ROBO1: variants seen among roughly 807,000 people sequenced by gnomAD.
The protein encoded by ROBO1 is roundabout homolog 1.
A neutral mutation model predicts 195.9 loss-of-function variants in ROBO1; 149 were observed. The ratio of observed to expected loss-of-function variants is 0.76; its 90% confidence interval spans 0.67 to 0.87. The LOEUF (loss-of-function observed/expected upper bound fraction) is 0.87, where lower values mean the gene tolerates loss of function less well. Among genes scored for constraint, ROBO1 ranks in the 40% least tolerant of loss-of-function variants. ROBO1 has a pLI of 0.00. For missense variants in ROBO1, 1,933 were observed against 2,068.3 expected (o/e 0.93, Z 1.27); for synonymous variants, 816 against 733.2 (o/e 1.11, Z -1.82).
chr3:78,995,486 A>G (rs1420838999), intron 3 of ROBO1, among the ~76,000 whole-genome samples: 1 of 152,014 alleles, frequency 6.6e-6, no homozygotes, highest in Non-Finnish European at 1.5e-5. Context: ...TCTCTGCCCC[A>G]TCTCCACTCT....
At chr3:78,648,508 A>T (rs753974007) in intron 19 of ROBO1, among the ~76,000 whole-genome samples, 2 of 151,980 alleles carry the variant, frequency 1.3e-5, no homozygotes, top group African/African-American at 2.4e-5. Context: ...TAATGCCTGA[A>T]ATTGAACCGC....
chr3:79,542,687 G>A (rs897638637), intron 2 of ROBO1, among the ~76,000 whole-genome samples: 8 of 152,004 alleles, frequency 5.3e-5, no homozygotes, highest in Admixed American at 1.3e-4. Flanking sequence ...TGCATTTAAT[G>A]AATGTGATAA....
chr3:79,056,088 C>A (rs938723938), intron 3 of ROBO1, among the ~76,000 whole-genome samples: 1 of 152,086 alleles, frequency 6.6e-6, no homozygotes, highest in African/African-American at 2.4e-5. Context: ...TGCTTTAATA[C>A]CTAAAAATTG....
intron 2 of ROBO1, among the ~76,000 whole-genome samples, chr3:79,144,503 CT>C (rs1214782324): frequency 1.3e-5 from 2 of 151,374 alleles, no homozygotes; most frequent in African/African-American, 4.9e-5. Context: ...TTCTTCCTTC[CT>C]TTTTTTAAAT....
intron 2 of ROBO1, among the ~76,000 whole-genome samples, chr3:79,554,150 G>A (rs1376585155): frequency 2.9e-4 from 44 of 151,980 alleles, no homozygotes; most frequent in Middle Eastern, 3.4e-3. Flanking sequence ...TATCCTTGAT[G>A]TCTTAATATA....
intron 2 of ROBO1, among the ~76,000 whole-genome samples, chr3:79,144,499 C>T (rs900879031): frequency 2.0e-5 from 3 of 150,956 alleles, no homozygotes; most frequent in African/African-American, 7.3e-5. Context: ...TCTTTTCTTC[C>T]TTCCTTTTTT....
intron 10 of ROBO1, among the ~76,000 whole-genome samples, chr3:78,682,772 A>T (rs1028665744): frequency 1.3e-5 from 2 of 148,668 alleles, no homozygotes; most frequent in Non-Finnish European, 3.0e-5. Context: ...ATAAAATTAT[A>T]ATAATATAAT....
intron 5 of ROBO1, among the ~76,000 whole-genome samples, chr3:78,727,289 C>T (rs951207569): frequency 3.4e-4 from 52 of 151,816 alleles, no homozygotes; most frequent in Admixed American, 2.1e-3. Flanking sequence ...ATAATATTTC[C>T]TTGTCATAGT....
intron 3 of ROBO1, chr3:79,019,403 C>T: frequency 1.0e-6 from 1 of 986,012 alleles, no homozygotes; most frequent in Non-Finnish European, 1.2e-6. Context: ...CCAGCTCCTC[C>T]CGGATCAGCG....
intron 2 of ROBO1, among the ~76,000 whole-genome samples, chr3:79,165,238 GT>G (rs1431166845): frequency 1.2e-4 from 18 of 152,200 alleles, no homozygotes; most frequent in African/African-American, 4.3e-4. Flanking sequence ...GAGTCAGCAT[GT>G]TTTGATCAGA....
chr3:78,862,483 C>T (rs1432878458), intron 4 of ROBO1, among the ~76,000 whole-genome samples: 3 of 152,198 alleles, frequency 2.0e-5, no homozygotes, highest in Non-Finnish European at 4.4e-5. Flanking sequence ...CCCGCTCAGA[C>T]TTCTGACCTA....
Position 78,813,565 on chromosome 3 carries a change from G to A in ROBO1, c.500-66665C>T, listed in dbSNP as rs147270032. On this transcript the variant is annotated intron_variant, in intron 4 of 30. Transcript: ENST00000464233. ...GCAATCACTTAGAATTCTCAGAATCGTTCTGTTTAACCAAAATATATTTTT... is the reference window on the plus strand; with the variant it reads ...GCAATCACTTAGAATTCTCAGAATCATTCTGTTTAACCAAAATATATTTTT... Among the ~76,000 whole-genome samples the A allele has an allele frequency of 2.8e-4, 43 of 151,980 alleles. No individual in the cohort carries two copies. The East Asian group carries it at 6.4e-3, about 23-fold the overall frequency.
chr3:78,971,604 A>G (rs1042750441), intron 3 of ROBO1, among the ~76,000 whole-genome samples: 2 of 152,374 alleles, frequency 1.3e-5, no homozygotes, highest in Admixed American at 1.3e-4. Flanking sequence ...TGCTCAACCC[A>G]GGAACCCTGA....
At chr3:79,559,613 T>C (rs1165935913) in intron 2 of ROBO1, among the ~76,000 whole-genome samples, 2 of 152,174 alleles carry the variant, frequency 1.3e-5, no homozygotes, top group African/African-American at 2.4e-5. Context: ...CCTTGTGTAC[T>C]GCAAGCTTTA....
At chr3:79,526,593 G>T (rs911428287) in intron 2 of ROBO1, 3 of 152,146 alleles carry the variant, frequency 2.0e-5, no homozygotes, top group African/African-American at 7.2e-5. Flanking sequence ...AGAAACAAAA[G>T]TTCAGAGAGA....
chr3:79,009,630 C>T (rs928827356), intron 3 of ROBO1, among the ~76,000 whole-genome samples: 2 of 152,164 alleles, frequency 1.3e-5, no homozygotes, highest in African/African-American at 4.8e-5. Flanking sequence ...TTTTTGATAG[C>T]TATCACAGAC....
intron 4 of ROBO1, among the ~76,000 whole-genome samples, chr3:78,768,388 G>A (rs1316373621): frequency 6.6e-6 from 1 of 151,198 alleles, no homozygotes; most frequent in Non-Finnish European, 1.5e-5. Flanking sequence ...AATAAAGTGA[G>A]GAATTATAAA....
At chr3:78,760,568 A>G (rs2083073673) in intron 4 of ROBO1, among the ~76,000 whole-genome samples, 1 of 152,192 alleles carries the variant, frequency 6.6e-6, no homozygotes, top group Admixed American at 6.5e-5. Context: ...ATCAATAAAC[A>G]TGAATTAACC....
chr3:79,208,534 C>T (rs577445711), intron 2 of ROBO1, among the ~76,000 whole-genome samples: 4 of 152,016 alleles, frequency 2.6e-5, no homozygotes, highest in Non-Finnish European at 4.4e-5. Flanking sequence ...TTTCCACAGA[C>T]GGTGAATATT....
Sources: gnomAD v4.1 joint callset for allele counts (sites outside exome capture counted in the v4.1 genomes callset) on GRCh38, gnomAD v4.1.1 for gene constraint, MANE v1.5 for transcripts, NCBI Gene and HGNC (gene_info 2026-07-23, HGNC 2026-07-21) for gene names.